Variants in ERC2 observed in about 807,000 individuals in gnomAD.
The protein encoded by ERC2 is ERC protein 2.
A neutral mutation model predicts 114.8 loss-of-function variants in ERC2; 42 were observed. The observed-to-expected ratio is 0.37, with a 90% CI of 0.29 to 0.47. The LOEUF is 0.47. Among genes scored for constraint, ERC2 ranks in the 20% least tolerant of loss-of-function variants. ERC2 has a pLI of 0.99. For synonymous variants in ERC2, 454 were observed against 425.5 expected (o/e 1.07, Z -0.82); for missense variants, 939 against 1,150.7 (o/e 0.82, Z 2.66).
chr3:55,775,553 T>TAAATAAAC (rs2068533131), intron 14 of ERC2, among the ~76,000 whole-genome samples: 2 of 134,016 alleles, frequency 1.5e-5, no homozygotes, highest in Non-Finnish European at 3.3e-5. Flanking sequence ...AATAAATAAA[T>TAAATAAAC]AAATAAATAA....
intron 3 of ERC2, among the ~76,000 whole-genome samples, chr3:56,253,701 C>A (rs2052332402): frequency 2.0e-5 from 3 of 152,176 alleles, no homozygotes; most frequent in Admixed American, 2.0e-4. Flanking sequence ...TTTGTTTGCA[C>A]ATCTCTCAGA....
At chr3:55,987,291 C>T (rs1321825808) in intron 11 of ERC2, among the ~76,000 whole-genome samples, 1 of 152,328 alleles carries the variant, frequency 6.6e-6, no homozygotes, top group Admixed American at 6.5e-5. Context: ...CCTTCTGGAT[C>T]AAAGGTAATT....
intron 17 of ERC2, among the ~76,000 whole-genome samples, chr3:55,638,939 G>A (rs920437227): frequency 2.0e-5 from 3 of 152,142 alleles, no homozygotes; most frequent in African/African-American, 4.8e-5. Context: ...ACAGGGTTTG[G>A]TTTCAAAGAC....
At chr3:55,736,721 C>T (rs1575435282) in intron 14 of ERC2, among the ~76,000 whole-genome samples, 1 of 152,268 alleles carries the variant, frequency 6.6e-6, no homozygotes. Flanking sequence ...TATCACCAGA[C>T]ACCTCTTCCT....
At chr3:56,166,480 A>G (rs2082332479) in intron 4 of ERC2, among the ~76,000 whole-genome samples, 1 of 152,032 alleles carries the variant, frequency 6.6e-6, no homozygotes. Context: ...AATTCACTCA[A>G]AAAAGCCATC....
intron 7 of ERC2, among the ~76,000 whole-genome samples, chr3:56,051,290 T>C (rs1294048306): frequency 6.6e-6 from 1 of 152,122 alleles, no homozygotes; most frequent in Non-Finnish European, 1.5e-5. Flanking sequence ...ATTAAGATGG[T>C]TTTAACATTT....
At chr3:56,177,392 C>A (rs1397181724) in intron 3 of ERC2, among the ~76,000 whole-genome samples, 2 of 152,182 alleles carry the variant, frequency 1.3e-5, no homozygotes, top group African/African-American at 4.8e-5. Flanking sequence ...TCCCCAGGAG[C>A]ATTTGATGTC....
At chr3:55,528,802 T>C (rs1320342168) in intron 17 of ERC2, among the ~76,000 whole-genome samples, 1 of 152,050 alleles carries the variant, frequency 6.6e-6, no homozygotes, top group African/African-American at 2.4e-5. Context: ...GCAACATCCC[T>C]GGCCTCCACC....
At chr3:56,026,143 G>A (rs752690933) in intron 7 of ERC2, among the ~76,000 whole-genome samples, 14 of 141,288 alleles carry the variant, frequency 9.9e-5, no homozygotes, top group African/African-American at 1.9e-4. Context: ...TCGGCCTCCC[G>A]GGTTCAAGCC....
intron 3 of ERC2, among the ~76,000 whole-genome samples, chr3:56,255,680 C>A (rs148259592): frequency 2.0e-5 from 3 of 152,162 alleles, no homozygotes; most frequent in African/African-American, 4.8e-5. Context: ...AATCTCTACT[C>A]AGGCACCCAT....
At chr3:55,808,699 T>A (rs1206932478) in intron 14 of ERC2, among the ~76,000 whole-genome samples, 1 of 60,910 alleles carries the variant, frequency 1.6e-5, no homozygotes. Flanking sequence ...TATACCATAA[T>A]TTTATATATA....
At chr3:56,219,591 AAG>A (rs1367192273) in intron 3 of ERC2, among the ~76,000 whole-genome samples, 1 of 151,998 alleles carries the variant, frequency 6.6e-6, no homozygotes, top group Admixed American at 6.6e-5. Context: ...CTGATAGAAA[AAG>A]AGAGTACTGA....
intron 14 of ERC2, among the ~76,000 whole-genome samples, chr3:55,788,280 T>A (rs1386024844): frequency 6.6e-6 from 1 of 152,014 alleles, no homozygotes; most frequent in Non-Finnish European, 1.5e-5. Flanking sequence ...AATCTCAGAG[T>A]TCTTTAAACA....
intron 14 of ERC2, among the ~76,000 whole-genome samples, chr3:55,831,582 A>G (rs1419988870): frequency 6.6e-6 from 1 of 152,244 alleles, no homozygotes; most frequent in Non-Finnish European, 1.5e-5. Context: ...ATCAAGGATT[A>G]TAATAGTCTA....
At chr3:55,514,345 C>A (rs967633968) in intron 17 of ERC2, among the ~76,000 whole-genome samples, 1 of 151,998 alleles carries the variant, frequency 6.6e-6, no homozygotes, top group Admixed American at 6.5e-5. Flanking sequence ...TGCAGTAAGC[C>A]GTGATTGTGC....
chr3:55,519,682 G>A lies in ERC2; in HGVS notation c.*40-8406C>T, dbSNP rs141872491. Among the ~76,000 whole-genome samples, 193 of 152,188 alleles carry A rather than the reference G, an allele frequency of 1.3e-3. 1 individual carries two copies. Among genetic ancestry groups the A allele is most frequent in the African/African-American group, 4.5e-3 (187 of 41,512 alleles). On this transcript the variant is annotated intron_variant, in intron 17 of 17. Transcript: ENST00000288221. ...GTTTGATATTATCTAGGCTGCCCTT[G>A]AAGCAGATGGATCCAGGATCTCTTG...
At chr3:55,810,555 C>A (rs955067886) in intron 14 of ERC2, among the ~76,000 whole-genome samples, 5 of 151,926 alleles carry the variant, frequency 3.3e-5, no homozygotes, top group Admixed American at 2.0e-4. Context: ...CTCCGCCTCC[C>A]AGGTTCAAGC....
intron 17 of ERC2, among the ~76,000 whole-genome samples, chr3:55,630,371 G>T (rs1488051295): frequency 6.6e-6 from 1 of 152,110 alleles, no homozygotes; most frequent in African/African-American, 2.4e-5. Flanking sequence ...GTTTCTCCAT[G>T]TTGGTCAGGC....
At chr3:56,147,762 G>A (rs2081218711) in intron 5 of ERC2, among the ~76,000 whole-genome samples, 1 of 152,092 alleles carries the variant, frequency 6.6e-6, no homozygotes, top group Non-Finnish European at 1.5e-5. Flanking sequence ...TTTAATTGGT[G>A]TACTTATTAT....
Sources: allele counts gnomAD v4.1 joint callset (sites outside exome capture counted in the v4.1 genomes callset), GRCh38; gene constraint gnomAD v4.1.1; transcripts MANE v1.5; gene names NCBI Gene and HGNC (gene_info 2026-07-23, HGNC 2026-07-21).